DMD: variants seen among roughly 807,000 people sequenced by gnomAD.
The protein encoded by DMD is dystrophin.
Under a neutral mutation model 330.1 loss-of-function variants are expected in DMD, and 63 were observed. The observed-to-expected ratio is 0.19, with a 90% CI of 0.16 to 0.24. DMD has a LOEUF of 0.24. DMD is among the 10% of genes least tolerant of loss of function. DMD has a pLI of 1.00. For synonymous variants in DMD, 1,223 were observed against 959.8 expected, an observed-to-expected ratio of 1.27 and a Z score of -5.07; for missense variants, 3,344 against 2,684.1, an observed-to-expected ratio of 1.25 and a Z score of -5.43.
chrX:32,952,794 A>G (rs1056274149), intron 2 of DMD, among the ~76,000 whole-genome samples: 4 of 110,919 alleles, frequency 3.6e-5, no homozygotes, highest in African/African-American at 1.3e-4. Flanking sequence ...TTCTAATAAT[A>G]TTGAAAGTTC....
intron 63 of DMD, among the ~76,000 whole-genome samples, chrX:31,245,353 G>A (rs757035879): frequency 1.8e-5 from 2 of 111,214 alleles, no homozygotes; most frequent in East Asian, 2.8e-4. Flanking sequence ...TTTTCCTCCC[G>A]AGCAAAATCA....
intron 62 of DMD, among the ~76,000 whole-genome samples, chrX:31,264,576 G>A (rs1712958568): frequency 8.9e-6 from 1 of 111,984 alleles, no homozygotes; most frequent in Admixed American, 9.5e-5. Flanking sequence ...CATCAGATAT[G>A]CCTCTCTGAG....
At chrX:33,204,757 C>T (rs934063301) in intron 1 of DMD, among the ~76,000 whole-genome samples, 1 of 112,312 alleles carries the variant, frequency 8.9e-6, no homozygotes, top group African/African-American at 3.2e-5. Context: ...AAATGGATAA[C>T]AAATCATCAG....
intron 16 of DMD, among the ~76,000 whole-genome samples, chrX:32,552,047 C>T (rs1421578539): frequency 9.0e-6 from 1 of 111,657 alleles, no homozygotes; most frequent in Non-Finnish European, 1.9e-5. Flanking sequence ...GGCCATAATG[C>T]CTAAAGCACT....
chrX:31,682,853 T>C (rs1041644256), intron 52 of DMD, among the ~76,000 whole-genome samples: 7 of 112,286 alleles, frequency 6.2e-5, no homozygotes, highest in Admixed American at 2.8e-4. Flanking sequence ...TTCATTTCAA[T>C]AGGGAAAACA....
intron 44 of DMD, among the ~76,000 whole-genome samples, chrX:32,209,246 C>T (rs1160270993): frequency 3.6e-5 from 4 of 110,926 alleles, no homozygotes; most frequent in Admixed American, 9.7e-5. Flanking sequence ...TGCATGTGTG[C>T]GTACGTGTGT....
intron 44 of DMD, among the ~76,000 whole-genome samples, chrX:32,122,294 C>T (rs1256971412): frequency 2.7e-5 from 3 of 111,966 alleles, no homozygotes; most frequent in Non-Finnish European, 5.6e-5. Context: ...TCTGGACCTG[C>T]ACCAAAGTTA....
chrX:32,099,664 T>C (rs1224147107), intron 44 of DMD, among the ~76,000 whole-genome samples: 1 of 99,807 alleles, frequency 1.0e-5, no homozygotes, highest in Non-Finnish European at 2.0e-5. Flanking sequence ...ACAGCGCATG[T>C]TCTCACTCTT....
chrX:32,511,543 A>G (rs965263738), intron 18 of DMD, among the ~76,000 whole-genome samples: 6 of 107,694 alleles, frequency 5.6e-5, no homozygotes, highest in African/African-American at 1.7e-4. Context: ...AAAAAAAAAA[A>G]AAAAGAAAAG....
chrX:32,853,673 C>T (rs2081307240), intron 2 of DMD, among the ~76,000 whole-genome samples: 1 of 105,952 alleles, frequency 9.4e-6, no homozygotes, highest in Non-Finnish European at 1.9e-5. Context: ...GAAGAGAAAG[C>T]CACAAAACAA....
chrX:32,314,280 A>C (rs776016544), intron 41 of DMD, among the ~76,000 whole-genome samples: 1 of 111,998 alleles, frequency 8.9e-6, no homozygotes, highest in East Asian at 2.8e-4. Flanking sequence ...AAACCTGACA[A>C]AAACAAGCAA....
At chrX:32,236,136 G>A (rs2097186951) in intron 43 of DMD, among the ~76,000 whole-genome samples, 1 of 111,824 alleles carries the variant, frequency 8.9e-6, no homozygotes, top group Admixed American at 9.5e-5. Flanking sequence ...GACCGGTGAA[G>A]TGCTGAAAAT....
chrX:32,630,452 G>T (rs780369382), intron 11 of DMD, among the ~76,000 whole-genome samples: 2 of 109,417 alleles, frequency 1.8e-5, no homozygotes, highest in African/African-American at 6.7e-5. Flanking sequence ...TTATCTTCTT[G>T]TACTTGAATT....
intron 7 of DMD, among the ~76,000 whole-genome samples, chrX:32,714,971 C>G (rs1318883247): frequency 9.0e-6 from 1 of 111,208 alleles, no homozygotes; most frequent in Non-Finnish European, 1.9e-5. Context: ...AAGCTATAAT[C>G]TACTCATTTA....
chrX:31,281,759 T>C (rs1257224777), intron 62 of DMD, among the ~76,000 whole-genome samples: 38 of 111,516 alleles, frequency 3.4e-4, no homozygotes, highest in Non-Finnish European at 5.7e-5. Context: ...ACCTAGTCTC[T>C]GAACAAAAAC....
chrX:32,707,219 T>C (rs747699783), intron 7 of DMD, among the ~76,000 whole-genome samples: 2 of 112,190 alleles, frequency 1.8e-5, no homozygotes, highest in Non-Finnish European at 3.8e-5. Flanking sequence ...AAATAAATGA[T>C]CCCAGAGATA....
chrX:32,756,516 A>G (rs1603365695), intron 7 of DMD: 1 of 111,792 alleles, frequency 8.9e-6, no homozygotes, highest in African/African-American at 3.2e-5. Flanking sequence ...CCTATGGGCA[A>G]CTTGATATGA....
chrX:31,912,335 A>G (rs1480819845), intron 47 of DMD, among the ~76,000 whole-genome samples: 1 of 111,343 alleles, frequency 9.0e-6, no homozygotes, highest in African/African-American at 3.3e-5. Flanking sequence ...ACGCTTCACA[A>G]GTTGAATGAA....
intron 25 of DMD, among the ~76,000 whole-genome samples, chrX:32,461,717 T>C (rs2098383931): frequency 9.1e-6 from 1 of 110,413 alleles, no homozygotes; most frequent in Admixed American, 9.7e-5. Context: ...TTTTTATTCA[T>C]CCATTAAGAA....
Sources: gnomAD v4.1 joint callset for allele counts (sites outside exome capture counted in the v4.1 genomes callset) on GRCh38, gnomAD v4.1.1 for gene constraint, MANE v1.5 for transcripts, NCBI Gene and HGNC (gene_info 2026-07-23, HGNC 2026-07-21) for gene names.